SP140: variants seen among roughly 807,000 people sequenced by gnomAD.
SP140 encodes SP140 nuclear body protein, also known as nuclear body protein SP140.
A neutral mutation model predicts 125.0 loss-of-function variants in SP140; 81 were observed. That is an observed-to-expected ratio of 0.65 (90% CI 0.54 to 0.78). The LOEUF (loss-of-function observed/expected upper bound fraction) is 0.78. Among genes scored for constraint, SP140 ranks in the 30% least tolerant of loss-of-function variants. The probability of loss-of-function intolerance (pLI) is 0.00; values close to 1 mark genes in which losing one functional copy is unlikely to be tolerated. For missense variants in SP140, 858 were observed against 1,037.0 expected (o/e 0.83, Z 2.37); for synonymous variants, 312 against 354.0 (o/e 0.88, Z 1.33).
chr2:230,291,295 A>G (rs1313473047), intron 19 of SP140, among the ~76,000 whole-genome samples: 5 of 152,194 alleles, frequency 3.3e-5, no homozygotes, highest in Admixed American at 6.5e-5. Context: ...TAGTTCACAT[A>G]TCATACAACT....
intron 12 of SP140, among the ~76,000 whole-genome samples, chr2:230,259,686 CAAA>C (rs79994218): frequency 7.2e-6 from 1 of 138,758 alleles, no homozygotes; most frequent in Non-Finnish European, 1.6e-5. Context: ...GACTCCATCT[CAAA>C]AAAAAAAATA....
upstream of SP140, chr2:230,203,104 C>A: frequency 3.2e-6 from 1 of 308,920 alleles, no homozygotes; most frequent in South Asian, 3.1e-5. Context: ...GGTTCCCCCA[C>A]GGCCTGTGTG....
chr2:230,301,701 A>T (rs1411158335), intron 22 of SP140, among the ~76,000 whole-genome samples: 1 of 152,212 alleles, frequency 6.6e-6, no homozygotes, highest in African/African-American at 2.4e-5. Context: ...TAAATATCAC[A>T]GGCCTATTAA....
At chr2:230,223,099 C>T (rs2045957737), upstream of SP140, among the ~76,000 whole-genome samples, 1 of 150,928 alleles carries the variant, frequency 6.6e-6, no homozygotes, top group South Asian at 2.1e-4. Flanking sequence ...TGCTGTGGCG[C>T]AATCTTGGCT....
At position 230,292,676 on chromosome 2, in the gene SP140, A is replaced by G; in HGVS notation, c.1856A>G (p.Asp619Gly). Residue 619 changes from aspartate to glycine, a missense_variant, in exon 20 of 27, where the codon GAT becomes GGT. Physicochemically the swap from Asp to Gly is moderately conservative, Grantham distance 94 (BLOSUM62 -1). This residue lies in a region of SP140 where 791 missense variants were observed against 869.5 expected (regional missense o/e 0.91). Coordinates refer to ENST00000392045, the MANE Select transcript of SP140 (RefSeq NM_007237.5). The part of the protein sequence containing the change: ...GILVKCIQTE[D>G]GKWFTPTEFE... ...TTGGTGAAGTGTATACAGACTGAGG[A>G]TGGAAAATGGTTCACCCCCACGGAA... 6.2e-7 allele frequency: 1 copy of G among 1,614,150 alleles called. No homozygotes were observed. Among genetic ancestry groups the G allele is most frequent in the African/African-American group, 1.3e-5 (1 of 75,026 alleles).
intron 3 of SP140, among the ~76,000 whole-genome samples, chr2:230,216,291 T>C (rs1381629723): frequency 2.0e-5 from 3 of 152,236 alleles, no homozygotes. Context: ...AAATCATCTT[T>C]GATTAGGGTG....
chr2:230,295,405 T>G (rs2057598022), intron 21 of SP140, among the ~76,000 whole-genome samples: 1 of 152,224 alleles, frequency 6.6e-6, no homozygotes, highest in Non-Finnish European at 1.5e-5. Flanking sequence ...TGTCACCTAT[T>G]CAGTGACTAC....
the SP140 span, among the ~76,000 whole-genome samples, chr2:230,196,530 A>C: frequency 7.0e-6 from 1 of 142,498 alleles, no homozygotes; most frequent in South Asian, 2.2e-4. Flanking sequence ...ATGATTTATA[A>C]TTTTCTTTTT....
chr2:230,288,884 G>C (rs1231955392), intron 18 of SP140, among the ~76,000 whole-genome samples: 1 of 152,114 alleles, frequency 6.6e-6, no homozygotes, highest in African/African-American at 2.4e-5. Flanking sequence ...GGACATTTGG[G>C]CTGGTTCCTA....
At chr2:230,261,575 T>C (rs552808724) in intron 12 of SP140, among the ~76,000 whole-genome samples, 1 of 152,314 alleles carries the variant, frequency 6.6e-6, no homozygotes, top group South Asian at 2.1e-4. Context: ...TTCAGTATTA[T>C]GTTGGCTATG....
intron 3 of SP140, among the ~76,000 whole-genome samples, chr2:230,217,196 A>G (rs2045298231): frequency 7.2e-6 from 1 of 139,298 alleles, no homozygotes; most frequent in Non-Finnish European, 1.5e-5. Context: ...CAGTAAGCCA[A>G]GATTGTGCCA....
chr2:230,261,066 A>G (rs759333527), intron 12 of SP140, among the ~76,000 whole-genome samples: 1 of 152,222 alleles, frequency 6.6e-6, no homozygotes, highest in Non-Finnish European at 1.5e-5. Flanking sequence ...CTACCCATCC[A>G]TGAAGCATGG....
chr2:230,249,412 G>A (rs1159385683), intron 9 of SP140, among the ~76,000 whole-genome samples: 2 of 152,152 alleles, frequency 1.3e-5, no homozygotes, highest in African/African-American at 4.8e-5. Context: ...AGACCCTTGG[G>A]ATGGTGCTGA....
intron 4 of SP140, among the ~76,000 whole-genome samples, 192 bp from the exon 5 acceptor site, chr2:230,243,539 C>G (rs543468435): frequency 6.6e-6 from 1 of 152,210 alleles, no homozygotes; most frequent in Admixed American, 6.5e-5. Flanking sequence ...GAAGACTCCC[C>G]CACAGTGGAT....
intron 1 of SP140, among the ~76,000 whole-genome samples, chr2:230,204,300 A>C (rs1296197393): frequency 6.6e-6 from 1 of 152,190 alleles, no homozygotes; most frequent in African/African-American, 2.4e-5. Context: ...ATAATTGTAT[A>C]GTTGCATAGA....
chr2:230,196,697 C>T, the SP140 span, among the ~76,000 whole-genome samples: 2 of 151,528 alleles, frequency 1.3e-5, no homozygotes, highest in South Asian at 2.1e-4. Context: ...CCCTCCTCCC[C>T]GCACCCCACA....
chr2:230,276,626 G>C (rs1391450901), intron 15 of SP140, among the ~76,000 whole-genome samples: 2 of 151,600 alleles, frequency 1.3e-5, no homozygotes, highest in Admixed American at 6.6e-5. Flanking sequence ...ATTTCAACTT[G>C]CAAGTCTTAA....
At chr2:230,302,795 T>A (rs914238092) in intron 22 of SP140, among the ~76,000 whole-genome samples, 1 of 152,204 alleles carries the variant, frequency 6.6e-6, no homozygotes, top group African/African-American at 2.4e-5. Flanking sequence ...TTAAATAATC[T>A]TCTCCTGAAT....
chr2:230,236,167 G>A (rs1427387763), intron 1 of SP140, among the ~76,000 whole-genome samples: 2 of 152,098 alleles, frequency 1.3e-5, no homozygotes, highest in African/African-American at 4.8e-5. Context: ...GAGCCACCGC[G>A]CCCGGCCTTC....
Sources: gnomAD v4.1 joint callset for allele counts (sites outside exome capture counted in the v4.1 genomes callset) on GRCh38, gnomAD v4.1.1 for gene constraint, gnomAD v4.1.1 regional missense constraint, MANE v1.5 for transcripts, NCBI Gene and HGNC (gene_info 2026-07-23, HGNC 2026-07-21) for gene names.